SNTG2: variants seen among roughly 807,000 people sequenced by gnomAD.
The protein encoded by SNTG2 is syntrophin gamma 2.
Under a neutral mutation model 70.9 loss-of-function variants are expected in SNTG2, and 74 were observed. The observed-to-expected ratio is 1.04, with a 90% CI of 0.86 to 1.27. The LOEUF (loss-of-function observed/expected upper bound fraction) is 1.27, where lower values mean the gene tolerates loss of function less well. SNTG2 is among the 50% of genes most tolerant of loss of function. The probability of loss-of-function intolerance (pLI) is 0.00; values close to 1 mark genes in which losing one functional copy is unlikely to be tolerated. For missense variants in SNTG2, 717 were observed against 690.7 expected, an observed-to-expected ratio of 1.04 and a Z score of -0.43; for synonymous variants, 278 against 273.8, an observed-to-expected ratio of 1.02 and a Z score of -0.15.
At chr2:1,124,310 T>TTTTTTC (rs1350091486) in intron 4 of SNTG2, among the ~76,000 whole-genome samples, 2 of 151,686 alleles carry the variant, frequency 1.3e-5, no homozygotes, top group Admixed American at 1.3e-4. Context: ...TTTTAATTTT[T>TTTTTTC]CTCAGACAGA....
intron 16 of SNTG2, among the ~76,000 whole-genome samples, chr2:1,360,176 T>G (rs1189274702): frequency 6.6e-6 from 1 of 152,246 alleles, no homozygotes; most frequent in African/African-American, 2.4e-5. Context: ...CTTACAGTTC[T>G]CTAAGAACTT....
chr2:1,329,591 A>G (rs1453392286), intron 16 of SNTG2, among the ~76,000 whole-genome samples: 1 of 152,258 alleles, frequency 6.6e-6, no homozygotes, highest in Admixed American at 6.5e-5. Flanking sequence ...AGGAACAGCC[A>G]GGAAAACAGG....
At chr2:1,226,154 T>G (rs1558562828) in intron 9 of SNTG2, among the ~76,000 whole-genome samples, 1 of 152,244 alleles carries the variant, frequency 6.6e-6, no homozygotes, top group Non-Finnish European at 1.5e-5. Context: ...TTGATTTTGA[T>G]TCCATGGGCT....
At chr2:1,253,213 A>T (rs1363961683) in intron 12 of SNTG2, among the ~76,000 whole-genome samples, 1 of 152,126 alleles carries the variant, frequency 6.6e-6, no homozygotes, top group Non-Finnish European at 1.5e-5. Context: ...TAGGATGCTC[A>T]GCACCCACCC....
chr2:1,307,645 C>T (rs75483461), intron 14 of SNTG2, among the ~76,000 whole-genome samples: 248 of 152,236 alleles, frequency 1.6e-3, no homozygotes, highest in Middle Eastern at 3.4e-3. Flanking sequence ...ACATTTTACC[C>T]GCAGATTTAT....
intron 4 of SNTG2, among the ~76,000 whole-genome samples, chr2:1,132,068 T>C (rs1343636060): frequency 6.6e-6 from 1 of 152,200 alleles, no homozygotes; most frequent in Admixed American, 6.5e-5. Flanking sequence ...CATATGGATT[T>C]TAATATAGTC....
At chr2:1,176,670 G>A in intron 8 of SNTG2, among the ~76,000 whole-genome samples, 1 of 151,782 alleles carries the variant, frequency 6.6e-6, no homozygotes, top group African/African-American at 2.4e-5. Flanking sequence ...AACATTAAAT[G>A]TGGGCAAAGG....
intron 4 of SNTG2, among the ~76,000 whole-genome samples, chr2:1,132,262 C>T (rs913475670): frequency 6.6e-6 from 1 of 151,250 alleles, no homozygotes; most frequent in African/African-American, 2.4e-5. Context: ...CACACACACA[C>T]ATACATACAC....
intron 1 of SNTG2, among the ~76,000 whole-genome samples, chr2:978,084 A>G (rs1660972336): frequency 6.6e-6 from 1 of 152,198 alleles, no homozygotes; most frequent in African/African-American, 2.4e-5. Context: ...TGGGATGGAG[A>G]CATACCCAAC....
intron 1 of SNTG2, among the ~76,000 whole-genome samples, chr2:1,002,532 A>G (rs552555168): frequency 6.6e-6 from 1 of 152,146 alleles, no homozygotes; most frequent in Non-Finnish European, 1.5e-5. Context: ...ACAGAAATGC[A>G]AATTAAAACC....
In SNTG2 at chr2:1,316,357, CA is replaced by C. The variant is rs2148263730; in HGVS notation, c.1473del (p.Lys491AsnfsTer13). On this transcript the variant is annotated frameshift_variant, in exon 16 of 17. Transcript: ENST00000308624. LOFTEE classifies it low-confidence loss of function (END_TRUNC). ...AGCTGCTGTTTCAGAATCTGGACAC[CA>C]AACAGATTGAGACGAAGGTATGCGG... is the stretch of plus-strand genomic sequence containing the variant. Reference protein sequence around the residue: ...VKLLFQNLDTKQIETKELEFQ... With the variant: ...VKLLFQNLDTXQIETKELEFQ... 1 of 1,536,322 alleles carries C rather than the reference CA, an allele frequency of 6.5e-7. No homozygotes were observed. The highest frequency in any genetic ancestry group is 2.4e-5 in the East Asian group (1 of 40,830).
chr2:994,886 A>G (rs1226681104), intron 1 of SNTG2, among the ~76,000 whole-genome samples: 1 of 151,124 alleles, frequency 6.6e-6, no homozygotes, highest in Non-Finnish European at 1.5e-5. Flanking sequence ...ACATATATAA[A>G]TACAATTGGC....
At chr2:1,260,739 G>A (rs756609013) in intron 13 of SNTG2, among the ~76,000 whole-genome samples, 4 of 152,128 alleles carry the variant, frequency 2.6e-5, no homozygotes, top group Non-Finnish European at 5.9e-5. Context: ...CCTCTTGGTC[G>A]TAGATGATAT....
At chr2:1,209,430 T>G (rs1310166026) in intron 9 of SNTG2, among the ~76,000 whole-genome samples, 200 bp downstream of exon 9, 1 of 152,218 alleles carries the variant, frequency 6.6e-6, no homozygotes, top group Non-Finnish European at 1.5e-5. Flanking sequence ...AACAGTGAAT[T>G]TATTACTAAG....
chr2:1,337,957 A>G (rs1659900931), intron 16 of SNTG2, among the ~76,000 whole-genome samples: 1 of 152,168 alleles, frequency 6.6e-6, no homozygotes, highest in Non-Finnish European at 1.5e-5. Flanking sequence ...TGATTAAAAA[A>G]CTGCTCATTC....
chr2:975,746 T>C (rs1037273385), intron 1 of SNTG2, among the ~76,000 whole-genome samples: 1 of 152,228 alleles, frequency 6.6e-6, no homozygotes, highest in African/African-American at 2.4e-5. Flanking sequence ...AAATTGTGAG[T>C]TTAGCTATGT....
At chr2:1,231,123 G>A (rs1406114819) in intron 9 of SNTG2, among the ~76,000 whole-genome samples, 3 of 149,108 alleles carry the variant, frequency 2.0e-5, no homozygotes, top group South Asian at 4.3e-4. Context: ...GGGTCACTGC[G>A]AGGGTGAAAT....
chr2:1,296,173 C>T (rs1351183198), intron 14 of SNTG2, among the ~76,000 whole-genome samples: 1 of 152,164 alleles, frequency 6.6e-6, no homozygotes, highest in African/African-American at 2.4e-5. Flanking sequence ...TGGTAAGCCT[C>T]TGCCTCGCAC....
chr2:1,086,713 C>T (rs888769593), intron 2 of SNTG2, among the ~76,000 whole-genome samples: 2 of 152,078 alleles, frequency 1.3e-5, no homozygotes, highest in Non-Finnish European at 1.5e-5. Flanking sequence ...ACTGACAATT[C>T]AGGTTAAAAA....
Sources: allele counts gnomAD v4.1 joint callset (sites outside exome capture counted in the v4.1 genomes callset), GRCh38; gene constraint gnomAD v4.1.1; transcripts MANE v1.5; gene names NCBI Gene and HGNC (gene_info 2026-07-23, HGNC 2026-07-21).